ZNF43: variants seen among roughly 807,000 people sequenced by gnomAD.
ZNF43 encodes zinc finger protein 43, also known as zinc finger protein 39-like 1 (KOX 27).
In ZNF43, 44 loss-of-function variants were observed where a neutral mutation model predicts 68.4. That is an observed-to-expected ratio of 0.64 (90% CI 0.51 to 0.83). ZNF43 has a LOEUF of 0.83. Among genes scored for constraint, ZNF43 ranks in the 40% least tolerant of loss-of-function variants. The probability of loss-of-function intolerance (pLI) is 0.00; values close to 1 mark genes in which losing one functional copy is unlikely to be tolerated. For synonymous variants in ZNF43, 308 were observed against 307.8 expected (o/e 1.00, Z -0.01); for missense variants, 896 against 933.2 (o/e 0.96, Z 0.52).
chr19:21,809,940 T>TATAGAC (rs1270132661), intron 3 of ZNF43, 133 bp from the exon 4 acceptor site: 5 of 857,222 alleles, frequency 5.8e-6, no homozygotes, highest in Non-Finnish European at 8.4e-6. Context: ...CTAATTTATT[T>TATAGAC]ATAGACATAT....
rs751077759 is a variant in ZNF43 at position 21,808,903 on chromosome 19, A to C, written c.1134T>G (p.Ala378=). 8.1e-6 allele frequency: 13 copies of C among 1,613,154 alleles called. No individual in the cohort carries two copies. Among genetic ancestry groups the C allele is most frequent in the Non-Finnish European group, 1.1e-5 (13 of 1,179,780 alleles). Residue 378 remains alanine (A), a synonymous_variant, in exon 4 of 4, where the codon GCT becomes GCG. Transcript: ENST00000354959. ...TAGTAAGGTTTGAGGACCGGCTAAAAGCTTCACCACATTCTGTACATTTAT... is the reference window on the plus strand; with the variant it reads ...TAGTAAGGTTTGAGGACCGGCTAAACGCTTCACCACATTCTGTACATTTAT... The part of the protein sequence containing the change: ...KFYKCTECGE[A]FSRSSNLTKH...
upstream of ZNF43, among the ~76,000 whole-genome samples, chr19:21,839,355 A>AAAG (rs1555726813): frequency 4.6e-4 from 67 of 146,142 alleles, 1 homozygote; most frequent in East Asian, 1.8e-3. Context: ...AAAAAAAAAA[A>AAAG]AGAGATCACA....
At chr19:21,823,163 T>C (rs1233900884) in intron 1 of ZNF43, among the ~76,000 whole-genome samples, 2 of 152,208 alleles carry the variant, frequency 1.3e-5, no homozygotes, top group African/African-American at 4.8e-5. Context: ...CATCTACTCA[T>C]TGTACCAACA....
intron 1 of ZNF43, among the ~76,000 whole-genome samples, chr19:21,825,243 CA>C (rs1379892199): frequency 1.3e-5 from 2 of 151,668 alleles, no homozygotes; most frequent in Admixed American, 6.6e-5. Context: ...AAAAATCAAA[CA>C]ACCCAACCAA....
chr19:21,817,683 C>T (rs1056349375), intron 3 of ZNF43, among the ~76,000 whole-genome samples: 1 of 151,970 alleles, frequency 6.6e-6, no homozygotes, highest in Non-Finnish European at 1.5e-5. Context: ...GGAAGATCAC[C>T]GAAGGGAAAT....
intron 1 of ZNF43, among the ~76,000 whole-genome samples, chr19:21,825,497 G>T (rs987757623): frequency 6.6e-6 from 1 of 152,126 alleles, no homozygotes; most frequent in Admixed American, 6.6e-5. Flanking sequence ...AAAAGGACTT[G>T]CATTTCTCAG....
chr19:21,826,454 T>C (rs952451137), intron 1 of ZNF43: 11 of 152,174 alleles, frequency 7.2e-5, no homozygotes, highest in African/African-American at 1.4e-4. Flanking sequence ...GCTTAAGAGA[T>C]TGCAAAGACA....
rs35243760 is a variant in ZNF43, at chr19:21,834,941, T to TAAAA, written c.3+1091_3+1094dup. 2.1e-4 allele frequency among the ~76,000 whole-genome samples: 28 copies of TAAAA among 132,122 alleles called. 1 individual carries two copies. Among genetic ancestry groups the TAAAA allele is most frequent in the African/African-American group, 7.5e-4 (27 of 36,156 alleles). 86.7% of individuals were successfully genotyped at this position (132,122 alleles called of 152,430 possible). On this transcript the variant is annotated intron_variant, in intron 1 of 3. Coordinates refer to ENST00000354959, the MANE Select transcript of ZNF43 (RefSeq NM_003423.4). ...GTATCTCTGTATCTAAAATGTACAC[T>TAAAA]AAAAAAAAAAAAAAAATAGCCCGGC...
chr19:21,819,638 A>T (rs926881079), intron 1 of ZNF43, among the ~76,000 whole-genome samples: 3 of 152,270 alleles, frequency 2.0e-5, no homozygotes, highest in Non-Finnish European at 4.4e-5. Context: ...AATGAAGATT[A>T]TTTTTTCAGA....
intron 1 of ZNF43, chr19:21,826,996 T>C (rs1276561269): frequency 6.6e-6 from 1 of 151,696 alleles, no homozygotes; most frequent in Non-Finnish European, 1.5e-5. Context: ...TGAGTAACAC[T>C]GTATTGAGAA....
chr19:21,809,890 A>C, intron 3 of ZNF43, 83 bp from the exon 4 acceptor site: 1 of 1,304,780 alleles, frequency 7.7e-7, no homozygotes, highest in Non-Finnish European at 1.0e-6. Flanking sequence ...AAATCACACA[A>C]GCTACATAAG....
intron 1 of ZNF43, chr19:21,841,684 A>C (rs562371015): frequency 6.6e-6 from 1 of 152,324 alleles, no homozygotes; most frequent in East Asian, 1.9e-4. Flanking sequence ...ATGTGTCATA[A>C]TACCCACAAT....
At chr19:21,845,226 C>G (rs1482039181) in intron 1 of ZNF43, among the ~76,000 whole-genome samples, 1 of 151,940 alleles carries the variant, frequency 6.6e-6, no homozygotes, top group East Asian at 1.9e-4. Flanking sequence ...GGTTGCTGAT[C>G]CCAGTGGTAT....
At position 21,817,885 on chromosome 19, in the gene ZNF43, T is replaced by C. The variant is rs377033548; in HGVS notation, c.229+3A>G. 6.5e-5 allele frequency: 104 copies of C among 1,611,966 alleles called. No individual in the cohort carries two copies. In the African/African-American group the frequency reaches 1.2e-3, roughly 19 times the overall value. On this transcript the variant is annotated splice_donor_region_variant and intron_variant, in intron 3 of 3. Coordinates refer to ENST00000354959, the MANE Select transcript of ZNF43 (RefSeq NM_003423.4). Reference sequence around the variant, plus strand: ...TGTTGTATTCACTTTCACTCTCACCTACCTGGGGGTTTGGCTACCATTTCA... The same window carrying C: ...TGTTGTATTCACTTTCACTCTCACCCACCTGGGGGTTTGGCTACCATTTCA...
At chr19:21,839,923 C>G (rs1477279773), upstream of ZNF43, 1 of 152,106 alleles carries the variant, frequency 6.6e-6, no homozygotes, top group Non-Finnish European at 1.5e-5. Context: ...ACATTGTGAG[C>G]TGAATGTAGG....
At chr19:21,811,550 A>C (rs8111812) in intron 3 of ZNF43, among the ~76,000 whole-genome samples, 9,370 of 151,642 alleles carry the variant, frequency 0.062, 442 homozygotes, top group African/African-American at 0.13. Flanking sequence ...AAAAAAACAA[A>C]AAAAAAAAAC....
intron 1 of ZNF43, among the ~76,000 whole-genome samples, chr19:21,821,672 G>A (rs1275312982): frequency 6.7e-6 from 1 of 149,280 alleles, no homozygotes; most frequent in African/African-American, 2.5e-5. Flanking sequence ...ATAAAGTCAT[G>A]GTGAGAATTC....
rs544372007 is a variant in ZNF43, at chr19:21,815,117, G to A, written c.229+2771C>T. On this transcript the variant is annotated intron_variant, in intron 3 of 3. Coordinates refer to ENST00000354959, the MANE Select transcript of ZNF43 (RefSeq NM_003423.4). Reference sequence around the variant, plus strand: ...ACAGGAGAATCGCTGGAACCTGGAGGGGCGGAGGTTGCAGTGAGCCGAGAT... The same window carrying A: ...ACAGGAGAATCGCTGGAACCTGGAGAGGCGGAGGTTGCAGTGAGCCGAGAT... Among the ~76,000 whole-genome samples, 4 of 151,950 alleles carry A rather than the reference G, an allele frequency of 2.6e-5. No individual in the cohort carries two copies. In the South Asian group the frequency reaches 6.3e-4, roughly 24 times the overall value.
In ZNF43 at chr19:21,807,674, TTC is replaced by T; in HGVS notation, c.2361_2362del (p.Lys788ThrfsTer5). The stretch of plus-strand genomic sequence containing the variant: ...TGTCACATCTTCAGGTTTGTAGAGT[TTC>T]TCTCCAGTATGAATTTTGTTATGTG... On this transcript the variant is annotated frameshift_variant, in exon 4 of 4. Transcript: ENST00000354959. LOFTEE classifies it high-confidence loss of function. 6.2e-7 allele frequency: 1 copy of T among 1,604,054 alleles called. No homozygotes were observed. Among genetic ancestry groups the T allele is most frequent in the Non-Finnish European group, 8.5e-7 (1 of 1,175,004 alleles).
Sources: allele counts gnomAD v4.1 joint callset (sites outside exome capture counted in the v4.1 genomes callset), GRCh38; gene constraint gnomAD v4.1.1; transcripts MANE v1.5; gene names NCBI Gene and HGNC (gene_info 2026-07-23, HGNC 2026-07-21).